Variants in TMEM132D observed in about 807,000 individuals in gnomAD.
TMEM132D encodes the protein mature OL transmembrane protein.
In TMEM132D, 21 loss-of-function variants were observed where a neutral mutation model predicts 62.3. The observed-to-expected ratio is 0.34, with a 90% CI of 0.24 to 0.49. The LOEUF (loss-of-function observed/expected upper bound fraction) is 0.49, where lower values mean the gene tolerates loss of function less well. TMEM132D is among the 20% of genes least tolerant of loss of function. TMEM132D has a pLI of 0.99. For synonymous variants in TMEM132D, 621 were observed against 575.6 expected, an observed-to-expected ratio of 1.08 and a Z score of -1.13; for missense variants, 1,346 against 1,402.8, an observed-to-expected ratio of 0.96 and a Z score of 0.65.
At chr12:129,078,820 A>G in intron 7 of TMEM132D, 95 bp from the exon 8 acceptor site, 1 of 1,316,444 alleles carries the variant, frequency 7.6e-7, no homozygotes, top group South Asian at 1.3e-5. Context: ...AGGCAGCGGC[A>G]GGGCAACATG....
chr12:129,833,898 AT>A (rs147420635), intron 1 of TMEM132D, among the ~76,000 whole-genome samples: 5 of 149,592 alleles, frequency 3.3e-5, no homozygotes, highest in Non-Finnish European at 4.5e-5. Flanking sequence ...GCCTAAAACT[AT>A]TTTTTTTTTA....
At position 129,138,414 on chromosome 12, in the gene TMEM132D, A is replaced by C. The variant is rs138832925; in HGVS notation, c.1444-53712T>G. Among the ~76,000 whole-genome samples the C allele has an allele frequency of 6.6e-3, 1,007 of 152,248 alleles. 12 individuals carry two copies. Among genetic ancestry groups the C allele is most frequent in the African/African-American group, 0.023 (962 of 41,544 alleles). ...ATTTTAGGGATATAGACTAAAGAAA[A>C]TATTGCAAGAAAGATGGCTAGGACC... On this transcript the variant is annotated intron_variant, in intron 5 of 8. Transcript: ENST00000422113.
At chr12:129,530,516 A>G (rs1487610270) in intron 3 of TMEM132D, among the ~76,000 whole-genome samples, 2 of 152,234 alleles carry the variant, frequency 1.3e-5, no homozygotes, top group Non-Finnish European at 2.9e-5. Context: ...TATCAGAGAC[A>G]GATTCAGGTT....
chr12:129,144,058 C>T (rs1876820867), intron 5 of TMEM132D, among the ~76,000 whole-genome samples: 1 of 152,080 alleles, frequency 6.6e-6, no homozygotes, highest in Non-Finnish European at 1.5e-5. Flanking sequence ...AATAGCGTAT[C>T]AGTGACCTGA....
Position 129,462,383 on chromosome 12 carries a change from G to C in TMEM132D, c.1115+68676C>G, listed in dbSNP as rs182411296. Among the ~76,000 whole-genome samples the C allele has an allele frequency of 2.1e-3, 318 of 152,256 alleles. 3 individuals carry two copies. The highest frequency in any genetic ancestry group is 7.3e-3 in the African/African-American group (304 of 41,528). ...AAGGTATCCTGAAGAAAGGAGTATG[G>C]CTTGATTTTCACCTTAGACTCAGCA... On this transcript the variant is annotated intron_variant, in intron 3 of 8. Transcript: ENST00000422113.
At chr12:129,495,046 C>A (rs1240334829) in intron 3 of TMEM132D, among the ~76,000 whole-genome samples, 4 of 152,126 alleles carry the variant, frequency 2.6e-5, no homozygotes, top group African/African-American at 9.7e-5. Flanking sequence ...GCTCTCTGTG[C>A]CAGAAACATA....
chr12:129,496,027 C>A (rs1028530385), intron 3 of TMEM132D, among the ~76,000 whole-genome samples: 3 of 152,128 alleles, frequency 2.0e-5, no homozygotes, highest in South Asian at 2.1e-4. Flanking sequence ...ACCTCGCACC[C>A]TTTTTTGTGG....
intron 4 of TMEM132D, among the ~76,000 whole-genome samples, chr12:129,281,852 C>T (rs1367336539): frequency 6.6e-6 from 1 of 152,150 alleles, no homozygotes; most frequent in Non-Finnish European, 1.5e-5. Context: ...CTCAAACTAC[C>T]GCCAAAGCCT....
At chr12:129,834,046 C>G (rs551477076) in intron 1 of TMEM132D, among the ~76,000 whole-genome samples, 4 of 152,290 alleles carry the variant, frequency 2.6e-5, no homozygotes, top group Non-Finnish European at 5.9e-5. Flanking sequence ...CAGGAACTTT[C>G]GGATCACTGT....
intron 5 of TMEM132D, among the ~76,000 whole-genome samples, chr12:129,140,610 G>A (rs1271391136): frequency 2.0e-5 from 3 of 152,108 alleles, no homozygotes; most frequent in Non-Finnish European, 4.4e-5. Flanking sequence ...AGGCTGAGAC[G>A]GGCGGATCAC....
At chr12:129,403,141 G>C (rs1012322980) in intron 3 of TMEM132D, among the ~76,000 whole-genome samples, 9 of 151,482 alleles carry the variant, frequency 5.9e-5, no homozygotes, top group African/African-American at 1.9e-4. Context: ...TCTTCATCTG[G>C]AACTTTCCTT....
rs1485202810 is a variant in TMEM132D at position 129,878,816 on chromosome 12, G to C, written c.79+24445C>G. ...ACTCCTGACCTCAAGTGATCCACCT[G>C]CCTTGGCCTCCCAAAGTGCTGGGAT... On this transcript the variant is annotated intron_variant, in intron 1 of 8. Coordinates refer to ENST00000422113, the MANE Select transcript of TMEM132D (RefSeq NM_133448.3). Among the ~76,000 whole-genome samples the C allele has an allele frequency of 2.0e-5, 3 of 152,104 alleles. No individual in the cohort carries two copies. In the East Asian group the frequency reaches 5.8e-4, roughly 30 times the overall value.
At chr12:129,820,528 G>A (rs7137408) in intron 1 of TMEM132D, among the ~76,000 whole-genome samples, 7,008 of 152,214 alleles carry the variant, frequency 0.046, 555 homozygotes, top group African/African-American at 0.16. Context: ...TTTGAGTGGA[G>A]TGTTCCTAAT....
chr12:129,111,222 G>C (rs1875690609), intron 5 of TMEM132D: 1 of 152,332 alleles, frequency 6.6e-6, no homozygotes, highest in Admixed American at 6.5e-5. Flanking sequence ...AACAGGGGAG[G>C]AAGAGGGATG....
At chr12:129,086,816 T>C (rs1874637053) in intron 5 of TMEM132D, among the ~76,000 whole-genome samples, 1 of 151,708 alleles carries the variant, frequency 6.6e-6, no homozygotes, top group African/African-American at 2.4e-5. Context: ...AGGTAACGTG[T>C]GTATAACATG....
intron 3 of TMEM132D, among the ~76,000 whole-genome samples, chr12:129,428,149 T>A (rs1021233068): frequency 6.6e-6 from 1 of 152,208 alleles, no homozygotes; most frequent in African/African-American, 2.4e-5. Flanking sequence ...TCAGAGGTGA[T>A]GTCCTAGAAA....
chr12:129,531,309 G>A, intron 2 of TMEM132D, 104 bp from the exon 3 acceptor site: 1 of 1,377,450 alleles, frequency 7.3e-7, no homozygotes, highest in African/African-American at 1.4e-5. Context: ...TTGCCTGGCA[G>A]GTGTAAGCTC....
chr12:129,530,152 C>T (rs752552113), intron 3 of TMEM132D, among the ~76,000 whole-genome samples: 12 of 152,172 alleles, frequency 7.9e-5, no homozygotes, highest in Non-Finnish European at 1.6e-4. Flanking sequence ...GTTTCAAATG[C>T]TCCTTGATCA....
At chr12:129,616,764 C>T (rs759638973) in intron 2 of TMEM132D, among the ~76,000 whole-genome samples, 22 of 152,286 alleles carry the variant, frequency 1.4e-4, no homozygotes, top group Admixed American at 2.6e-4. Context: ...GTCAATTAAA[C>T]CTCTTTCCTT....
Sources: gnomAD v4.1 joint callset for allele counts (sites outside exome capture counted in the v4.1 genomes callset) on GRCh38, gnomAD v4.1.1 for gene constraint, MANE v1.5 for transcripts, NCBI Gene and HGNC (gene_info 2026-07-23, HGNC 2026-07-21) for gene names.